Variants in RHOBTB3 observed in about 807,000 individuals in gnomAD.
RHOBTB3 encodes the protein rho-related BTB domain-containing protein 3.
In RHOBTB3, 47 loss-of-function variants were observed where a neutral mutation model predicts 67.2. That is an observed-to-expected ratio of 0.70 (90% CI 0.55 to 0.89). The LOEUF (loss-of-function observed/expected upper bound fraction) is 0.89. RHOBTB3 is among the 40% of genes least tolerant of loss of function. The pLI, the probability that RHOBTB3 is intolerant of heterozygous loss-of-function variation, is 0.00. For missense variants in RHOBTB3, 631 were observed against 750.0 expected (o/e 0.84, Z 1.85); for synonymous variants, 273 against 274.2 (o/e 1.00, Z 0.04).
At chr5:95,747,457 A>G (rs1430106710) in intron 3 of RHOBTB3, among the ~76,000 whole-genome samples, 1 of 152,206 alleles carries the variant, frequency 6.6e-6, no homozygotes, top group Non-Finnish European at 1.5e-5. Flanking sequence ...ATTTCTAGAA[A>G]TGAATTTACC....
chr5:95,782,053 C>A (rs568334925), intron 9 of RHOBTB3: 18 of 152,148 alleles, frequency 1.2e-4, no homozygotes, highest in Admixed American at 1.2e-3. Context: ...TTTTACCTTG[C>A]TAATTAGAAA....
intron 11 of RHOBTB3, among the ~76,000 whole-genome samples, chr5:95,790,247 T>C (rs3756706): frequency 0.68 from 103,431 of 152,152 alleles, 35,694 homozygotes; most frequent in African/African-American, 0.79. Flanking sequence ...ATAAGGCTTG[T>C]GTATGCTTGC....
chr5:95,785,187 T>C (rs541062259), intron 10 of RHOBTB3, among the ~76,000 whole-genome samples: 38 of 152,372 alleles, frequency 2.5e-4, no homozygotes, highest in Middle Eastern at 6.8e-3. Context: ...GGGAATTTAT[T>C]TGAAGCATCT....
At chr5:95,736,309 T>G (rs951465933) in intron 2 of RHOBTB3, among the ~76,000 whole-genome samples, 1 of 152,232 alleles carries the variant, frequency 6.6e-6, no homozygotes, top group Non-Finnish European at 1.5e-5. Context: ...TATCTCTTTT[T>G]TTAGTAAAGG....
intron 6 of RHOBTB3, among the ~76,000 whole-genome samples, chr5:95,761,425 C>T (rs574885781): frequency 6.8e-6 from 1 of 147,064 alleles, no homozygotes; most frequent in East Asian, 2.1e-4. Context: ...TCACTGAAAT[C>T]TCCGCCTCCT....
At chr5:95,792,388 GA>G (rs752562205) in intron 11 of RHOBTB3, among the ~76,000 whole-genome samples, 20 of 83,702 alleles carry the variant, frequency 2.4e-4, no homozygotes, top group Admixed American at 4.3e-4. Flanking sequence ...CTCCGTCTCA[GA>G]AAAAAAAAAA....
intron 5 of RHOBTB3, among the ~76,000 whole-genome samples, chr5:95,753,766 A>G (rs1261590027): frequency 1.3e-5 from 2 of 152,212 alleles, no homozygotes; most frequent in African/African-American, 4.8e-5. Context: ...AAGACAAAAT[A>G]TACCAGATCC....
At chr5:95,770,035 A>G in intron 8 of RHOBTB3, 1 of 368,494 alleles carries the variant, frequency 2.7e-6, no homozygotes, top group Non-Finnish European at 5.4e-6. Context: ...CTCATAACAC[A>G]GGAAAAGTTG....
upstream of RHOBTB3, among the ~76,000 whole-genome samples, chr5:95,727,601 T>C (rs1257428571): frequency 2.6e-5 from 4 of 152,338 alleles, no homozygotes; most frequent in African/African-American, 7.2e-5. Context: ...GACCTTGAGG[T>C]TGGAGGACAT....
chr5:95,768,184 C>A lies in RHOBTB3; in HGVS notation c.1282+18C>A. 6.3e-7 allele frequency: 1 copy of A among 1,595,060 alleles called. No individual in the cohort carries two copies. On this transcript the variant is annotated intron_variant, in intron 8 of 11. Coordinates refer to ENST00000379982, the MANE Select transcript of RHOBTB3 (RefSeq NM_014899.4). Reference sequence around the variant, plus strand: ...AATTCAAGGTACGGATCAACTTTTACAAAGTTTATGATTCATTTTTATTTC... The same window carrying A: ...AATTCAAGGTACGGATCAACTTTTAAAAAGTTTATGATTCATTTTTATTTC...
intron 6 of RHOBTB3, among the ~76,000 whole-genome samples, chr5:95,762,714 T>C (rs892256906): frequency 1.1e-4 from 17 of 152,040 alleles, no homozygotes; most frequent in African/African-American, 3.6e-4. Context: ...CTCACCAGCT[T>C]TGAGTAATAG....
intron 9 of RHOBTB3, chr5:95,782,311 A>C (rs1489718495): frequency 6.6e-6 from 1 of 152,164 alleles, no homozygotes; most frequent in African/African-American, 2.4e-5. Flanking sequence ...TACATGAAAA[A>C]CCAGATTTCT....
At chr5:95,791,433 G>A (rs1746387362) in intron 11 of RHOBTB3, among the ~76,000 whole-genome samples, 1 of 152,128 alleles carries the variant, frequency 6.6e-6, no homozygotes, top group Admixed American at 6.5e-5. Flanking sequence ...TGTTTGTTTT[G>A]TTTTGCTGGC....
chr5:95,791,711 T>G (rs1044846471), intron 11 of RHOBTB3, among the ~76,000 whole-genome samples: 3 of 152,006 alleles, frequency 2.0e-5, no homozygotes, highest in Non-Finnish European at 2.9e-5. Flanking sequence ...TTCTTTTCTT[T>G]TCTTTTTTTT....
intron 3 of RHOBTB3, among the ~76,000 whole-genome samples, chr5:95,737,537 A>G (rs752422585): frequency 3.3e-5 from 5 of 152,202 alleles, no homozygotes; most frequent in Non-Finnish European, 7.3e-5. Context: ...TGCTTATTCC[A>G]TGGCTGATAG....
chr5:95,769,823 T>G, intron 8 of RHOBTB3: 1 of 218,302 alleles, frequency 4.6e-6, no homozygotes, highest in Non-Finnish European at 9.3e-6. Context: ...CTCTTGAAAT[T>G]GCCAGTGCTC....
At chr5:95,744,716 C>T (rs1010030373) in intron 3 of RHOBTB3, among the ~76,000 whole-genome samples, 1 of 152,138 alleles carries the variant, frequency 6.6e-6, no homozygotes, top group Non-Finnish European at 1.5e-5. Context: ...GTTGGGTGCT[C>T]TCCTGGTAAT....
intron 5 of RHOBTB3, among the ~76,000 whole-genome samples, chr5:95,753,755 G>A (rs1185324061): frequency 6.6e-6 from 1 of 152,152 alleles, no homozygotes; most frequent in African/African-American, 2.4e-5. Context: ...TATTAATCAA[G>A]AAGACAAAAT....
At chr5:95,733,977 A>G (rs776288740) in intron 2 of RHOBTB3, among the ~76,000 whole-genome samples, 1 of 152,160 alleles carries the variant, frequency 6.6e-6, no homozygotes, top group Non-Finnish European at 1.5e-5. Context: ...TCTCAGCCTT[A>G]TTTTCCCTAT....
Sources: allele counts gnomAD v4.1 joint callset (sites outside exome capture counted in the v4.1 genomes callset), GRCh38; gene constraint gnomAD v4.1.1; transcripts MANE v1.5; gene names NCBI Gene and HGNC (gene_info 2026-07-23, HGNC 2026-07-21).